Variants in LRRC4C observed in about 807,000 individuals in gnomAD.
LRRC4C encodes the protein leucine rich repeat containing 4C.
LRRC4C carries 5 observed loss-of-function variants against 33.6 expected under a neutral mutation model. That is an observed-to-expected ratio of 0.15 (90% CI 0.08 to 0.31). LRRC4C has a LOEUF of 0.31. Among genes scored for constraint, LRRC4C ranks in the 10% least tolerant of loss-of-function variants. LRRC4C has a pLI of 1.00. For synonymous variants in LRRC4C, 329 were observed against 302.0 expected (o/e 1.09, Z -0.93); for missense variants, 560 against 796.7 (o/e 0.70, Z 3.58).
At chr11:40,805,859 GA>G (rs895035536) in intron 2 of LRRC4C, among the ~76,000 whole-genome samples, 1 of 150,388 alleles carries the variant, frequency 6.6e-6, no homozygotes, top group African/African-American at 2.4e-5. Flanking sequence ...GTATGACTCA[GA>G]AAAAAAAATA....
At chr11:40,735,397 T>G (rs1947808179) in intron 2 of LRRC4C, among the ~76,000 whole-genome samples, 1 of 144,142 alleles carries the variant, frequency 6.9e-6, no homozygotes, top group Non-Finnish European at 1.5e-5. Flanking sequence ...GACCTATGAG[T>G]GAGAACATGT....
At chr11:40,179,574 C>G (rs940582553) in intron 5 of LRRC4C, among the ~76,000 whole-genome samples, 1 of 152,102 alleles carries the variant, frequency 6.6e-6, no homozygotes, top group Non-Finnish European at 1.5e-5. Flanking sequence ...CAGTAAGCAC[C>G]TGCTTACTTT....
intron 1 of LRRC4C, among the ~76,000 whole-genome samples, chr11:41,242,311 A>G (rs1360138780): frequency 3.3e-5 from 5 of 152,032 alleles, no homozygotes; most frequent in South Asian, 4.1e-4. Flanking sequence ...TTTTTCATGA[A>G]CTTTCAAACA....
At chr11:41,182,974 G>T (rs1255993333) in intron 1 of LRRC4C, among the ~76,000 whole-genome samples, 1 of 152,026 alleles carries the variant, frequency 6.6e-6, no homozygotes, top group East Asian at 1.9e-4. Flanking sequence ...GAGAGAGAGA[G>T]ATTGTGCAGG....
intron 5 of LRRC4C, among the ~76,000 whole-genome samples, chr11:40,160,838 G>C (rs1025891959): frequency 1.3e-5 from 2 of 152,148 alleles, no homozygotes; most frequent in Non-Finnish European, 2.9e-5. Context: ...GCAAAGGAGA[G>C]TCAGAACTAG....
intron 1 of LRRC4C, among the ~76,000 whole-genome samples, chr11:41,248,561 T>C (rs1948527724): frequency 6.6e-6 from 1 of 152,208 alleles, no homozygotes; most frequent in Non-Finnish European, 1.5e-5. Flanking sequence ...TGGTCTTGGT[T>C]GGATCTGCCC....
intron 2 of LRRC4C, among the ~76,000 whole-genome samples, chr11:40,733,018 T>G (rs1361181193): frequency 6.6e-6 from 1 of 150,476 alleles, no homozygotes; most frequent in Non-Finnish European, 1.5e-5. Context: ...TCACAGAGGT[T>G]GGAATGTATG....
intron 5 of LRRC4C, among the ~76,000 whole-genome samples, chr11:40,169,695 A>T (rs1010512518): frequency 6.6e-6 from 1 of 152,174 alleles, no homozygotes; most frequent in Non-Finnish European, 1.5e-5. Flanking sequence ...AAAGGGTTGT[A>T]AGCTATGATC....
At chr11:40,690,403 C>T (rs564426753) in intron 2 of LRRC4C, among the ~76,000 whole-genome samples, 81 of 152,024 alleles carry the variant, frequency 5.3e-4, no homozygotes, top group African/African-American at 1.9e-3. Flanking sequence ...ACAAGCAAAC[C>T]CTATTTATTC....
At chr11:41,319,155 A>G (rs187295851) in intron 1 of LRRC4C, among the ~76,000 whole-genome samples, 1 of 152,332 alleles carries the variant, frequency 6.6e-6, no homozygotes, top group Non-Finnish European at 1.5e-5. Flanking sequence ...ATGATGCCAC[A>G]TGGATTTTAT....
chr11:41,028,304 G>A (rs1856509446), intron 1 of LRRC4C, among the ~76,000 whole-genome samples: 2 of 151,422 alleles, frequency 1.3e-5, no homozygotes, highest in Admixed American at 1.3e-4. Flanking sequence ...GCAAAGAGAT[G>A]GGGCCAAGGT....
intron 2 of LRRC4C, among the ~76,000 whole-genome samples, chr11:40,691,475 T>C (rs1945218575): frequency 6.6e-6 from 1 of 152,136 alleles, no homozygotes. Context: ...TTATTATGCC[T>C]TCAGGCATTC....
intron 1 of LRRC4C, among the ~76,000 whole-genome samples, chr11:41,358,798 G>A (rs746924052): frequency 3.5e-4 from 53 of 152,104 alleles, no homozygotes; most frequent in Admixed American, 6.6e-5. Context: ...CAACCATTTT[G>A]GAAGACAATT....
chr11:41,268,929 C>A lies in LRRC4C; in HGVS notation c.-496+190502G>T, dbSNP rs57092254. 2.1e-3 allele frequency among the ~76,000 whole-genome samples: 319 copies of A among 151,902 alleles called. 1 individual carries two copies. Among genetic ancestry groups the A allele is most frequent in the African/African-American group, 7.5e-3 (313 of 41,468 alleles). On this transcript the variant is annotated intron_variant, in intron 1 of 6. Coordinates refer to ENST00000528697, the MANE Select transcript of LRRC4C (RefSeq NM_001258419.2). ...TAAATGCACAAAATCTACAGACTTA[C>A]AAAGGAAATTATCTTTTCTCAACTA...
chr11:40,222,284 T>C (rs1018482843), intron 5 of LRRC4C, among the ~76,000 whole-genome samples: 4 of 152,132 alleles, frequency 2.6e-5, no homozygotes, highest in African/African-American at 7.2e-5. Flanking sequence ...ATTGGGAAAA[T>C]CATTTAACTG....
chr11:41,068,725 CA>C (rs1176219872), intron 1 of LRRC4C, among the ~76,000 whole-genome samples: 25 of 151,914 alleles, frequency 1.6e-4, no homozygotes, highest in African/African-American at 6.0e-4. Context: ...CTGAATAGAC[CA>C]ATAACAAGTT....
intron 2 of LRRC4C, among the ~76,000 whole-genome samples, chr11:40,753,436 A>G (rs1948794733): frequency 6.6e-6 from 1 of 151,832 alleles, no homozygotes. Flanking sequence ...AAAAAAATAC[A>G]TAAAAAACCA....
intron 3 of LRRC4C, among the ~76,000 whole-genome samples, chr11:40,458,882 A>G (rs887638345): frequency 6.6e-6 from 1 of 152,176 alleles, no homozygotes; most frequent in African/African-American, 2.4e-5. Flanking sequence ...ATATCCTACT[A>G]CAATATGTCT....
intron 3 of LRRC4C, among the ~76,000 whole-genome samples, chr11:40,476,594 T>C (rs1410660449): frequency 6.6e-6 from 1 of 152,168 alleles, no homozygotes; most frequent in Non-Finnish European, 1.5e-5. Flanking sequence ...TCCACCCGCC[T>C]CAGCCTCCCA....
Sources: gnomAD v4.1 joint callset for allele counts (sites outside exome capture counted in the v4.1 genomes callset) on GRCh38, gnomAD v4.1.1 for gene constraint, MANE v1.5 for transcripts, NCBI Gene and HGNC (gene_info 2026-07-23, HGNC 2026-07-21) for gene names.